The following LPP variants were observed in gnomAD, a reference collection of about 807,000 sequenced individuals.
LPP encodes lipoma-preferred partner.
LPP carries 38 observed loss-of-function variants against 60.4 expected under a neutral mutation model. The ratio of observed to expected loss-of-function variants is 0.63; its 90% CI spans 0.49 to 0.83. The LOEUF is 0.83. Among genes scored for constraint, LPP ranks in the 40% least tolerant of loss-of-function variants. LPP has a pLI of 0.00. For synonymous variants in LPP, 328 were observed against 290.8 expected, an observed-to-expected ratio of 1.13 and a Z score of -1.30; for missense variants, 902 against 783.6, an observed-to-expected ratio of 1.15 and a Z score of -1.80.
intron 2 of LPP, among the ~76,000 whole-genome samples, 196 bp from the exon 3 acceptor site, chr3:188,341,467 T>C (rs1763041325): frequency 6.6e-6 from 1 of 152,260 alleles, no homozygotes; most frequent in Admixed American, 6.5e-5. Context: ...TTTGAGCTTC[T>C]GTTTCCTCAC....
intron 2 of LPP, chr3:188,239,723 A>T (rs190784633): frequency 9.2e-6 from 2 of 217,142 alleles, no homozygotes; most frequent in Non-Finnish European, 1.9e-5. Context: ...TAGCCTGGAA[A>T]TAAACAAATA....
intron 3 of LPP, among the ~76,000 whole-genome samples, chr3:188,363,289 G>A (rs1770070602): frequency 6.6e-6 from 1 of 152,054 alleles, no homozygotes; most frequent in African/African-American, 2.4e-5. Context: ...TTATCACGAA[G>A]GTACCATCAG....
At chr3:188,482,279 G>C (rs925857146) in intron 4 of LPP, among the ~76,000 whole-genome samples, 1 of 152,156 alleles carries the variant, frequency 6.6e-6, no homozygotes, top group African/African-American at 2.4e-5. Flanking sequence ...ATTTATAGCA[G>C]TGAGAGAACA....
chr3:188,410,220 A>C (rs113718927), intron 4 of LPP, among the ~76,000 whole-genome samples: 1 of 152,226 alleles, frequency 6.6e-6, no homozygotes, highest in Non-Finnish European at 1.5e-5. Context: ...ATATAAACCT[A>C]CTTCTCCAGA....
At chr3:188,642,060 C>A (rs1428380606) in intron 7 of LPP, among the ~76,000 whole-genome samples, 4 of 152,124 alleles carry the variant, frequency 2.6e-5, no homozygotes, top group African/African-American at 9.7e-5. Context: ...CTGACATCTG[C>A]CCATGCTTAC....
chr3:188,606,960 G>A (rs1056067211), intron 6 of LPP, among the ~76,000 whole-genome samples: 1 of 152,136 alleles, frequency 6.6e-6, no homozygotes, highest in African/African-American at 2.4e-5. Flanking sequence ...GCTCTCTGCT[G>A]CAGCTGTAAA....
In LPP at chr3:188,888,445, A is replaced by G; in HGVS notation, c.*13966A>G. ...CTCCAAGTCTGCCTTTTTAACAGCT[A>G]CAGTTAAGTTGGCAAGACTTCCCCA... On this transcript the variant is annotated 3_prime_UTR_variant, in exon 12 of 12. Coordinates refer to ENST00000617246, the MANE Select transcript of LPP (RefSeq NM_001375462.1). The G allele has an allele frequency of 4.4e-6, 1 of 227,690 alleles. No individual in the cohort carries two copies. The highest frequency in any genetic ancestry group is 8.8e-6 in the Non-Finnish European group (1 of 114,260). 14.1% of individuals were successfully genotyped at this position (227,690 alleles called of 1,614,324 possible).
chr3:188,437,155 A>G (rs888925154), intron 4 of LPP, among the ~76,000 whole-genome samples: 1 of 152,190 alleles, frequency 6.6e-6, no homozygotes, highest in Non-Finnish European at 1.5e-5. Flanking sequence ...CTTTTATGTG[A>G]GCAACTTTCC....
At chr3:188,523,265 G>C (rs1016330761) in intron 5 of LPP, among the ~76,000 whole-genome samples, 1 of 152,068 alleles carries the variant, frequency 6.6e-6, no homozygotes, top group Non-Finnish European at 1.5e-5. Flanking sequence ...CTTGAAGTAG[G>C]TTTGGCTCCA....
chr3:188,799,858 A>C (rs1746485575), intron 9 of LPP, among the ~76,000 whole-genome samples: 2 of 152,186 alleles, frequency 1.3e-5, no homozygotes, highest in South Asian at 4.1e-4. Flanking sequence ...GTAAAAAATC[A>C]AGTTATGCAC....
chr3:188,276,917 T>A (rs1258494641), intron 2 of LPP, among the ~76,000 whole-genome samples: 1 of 137,458 alleles, frequency 7.3e-6, no homozygotes, highest in Non-Finnish European at 1.5e-5. Context: ...TTTTTTTTTT[T>A]TTGGAGAGAC....
chr3:188,768,718 T>C (rs1240035642), intron 9 of LPP, among the ~76,000 whole-genome samples: 1 of 152,196 alleles, frequency 6.6e-6, no homozygotes, highest in African/African-American at 2.4e-5. Context: ...TTATCCAATT[T>C]AAGAAATAAA....
intron 3 of LPP, among the ~76,000 whole-genome samples, chr3:188,356,695 G>A (rs756044115): frequency 7.2e-5 from 11 of 152,144 alleles, no homozygotes; most frequent in Admixed American, 1.3e-4. Context: ...AGTTCTTTCC[G>A]TGGAAAAAGA....
At chr3:188,487,984 G>A (rs1807098685) in intron 5 of LPP, among the ~76,000 whole-genome samples, 1 of 151,140 alleles carries the variant, frequency 6.6e-6, no homozygotes, top group South Asian at 2.1e-4. Context: ...CAGGCATCTA[G>A]TTACAGTCCT....
chr3:188,518,372 G>A (rs1350366106), intron 5 of LPP, among the ~76,000 whole-genome samples: 1 of 152,262 alleles, frequency 6.6e-6, no homozygotes, highest in East Asian at 1.9e-4. Context: ...AAAGTTGTAT[G>A]TAAACACAAT....
intron 2 of LPP, among the ~76,000 whole-genome samples, chr3:188,311,694 A>C (rs1482736373): frequency 4.0e-5 from 6 of 151,396 alleles, no homozygotes; most frequent in Admixed American, 3.9e-4. Flanking sequence ...GCTTGAGTGC[A>C]GTGGCCTGAT....
At chr3:188,824,480 CATT>C (rs1754850599) in intron 9 of LPP, among the ~76,000 whole-genome samples, 1 of 152,168 alleles carries the variant, frequency 6.6e-6, no homozygotes, top group African/African-American at 2.4e-5. Context: ...AGAACTATTC[CATT>C]ATTGCAGATA....
At chr3:188,813,450 G>A (rs1217041783) in intron 9 of LPP, among the ~76,000 whole-genome samples, 1 of 152,074 alleles carries the variant, frequency 6.6e-6, no homozygotes, top group African/African-American at 2.4e-5. Flanking sequence ...TATAAAAGTA[G>A]GTTATCATAA....
intron 1 of LPP, among the ~76,000 whole-genome samples, chr3:188,224,491 C>G (rs530936852): frequency 3.0e-4 from 46 of 152,172 alleles, no homozygotes; most frequent in Non-Finnish European, 5.4e-4. Flanking sequence ...TGAAATAAAA[C>G]CTGTAATAAG....
Sources: allele counts gnomAD v4.1 joint callset (sites outside exome capture counted in the v4.1 genomes callset), GRCh38; gene constraint gnomAD v4.1.1; transcripts MANE v1.5; gene names NCBI Gene and HGNC (gene_info 2026-07-23, HGNC 2026-07-21).